PHACTR4: variants seen among roughly 807,000 people sequenced by gnomAD.
PHACTR4 encodes the protein phosphatase and actin regulator 4, also known as protein phosphatase 1, regulatory subunit 124.
PHACTR4 carries 51 observed loss-of-function variants against 72.7 expected under a neutral mutation model. The ratio of observed to expected loss-of-function variants is 0.70; its 90% CI spans 0.56 to 0.89. The LOEUF (loss-of-function observed/expected upper bound fraction) is 0.89. PHACTR4 is among the 40% of genes least tolerant of loss of function. The pLI is 0.00. For missense variants in PHACTR4, 731 were observed against 861.8 expected (o/e 0.85, Z 1.90); for synonymous variants, 255 against 302.5 (o/e 0.84, Z 1.63).
intron 7 of PHACTR4, among the ~76,000 whole-genome samples, chr1:28,475,271 T>G (rs74581288): frequency 6.6e-6 from 1 of 151,904 alleles, no homozygotes. Flanking sequence ...TTTTTACTCT[T>G]GTGATTTTTT....
chr1:28,370,047 A>G (rs1003231190), intron 1 of PHACTR4, among the ~76,000 whole-genome samples: 2 of 151,890 alleles, frequency 1.3e-5, no homozygotes, highest in African/African-American at 4.8e-5. Flanking sequence ...CGCCTGAGGC[A>G]GGGCCCGCGC....
rs994726027 is a variant in PHACTR4, at chr1:28,496,932, G to C, written c.*383G>C. 1 of 231,702 alleles carries C rather than the reference G, an allele frequency of 4.3e-6. No homozygotes were observed. The highest frequency in any genetic ancestry group is 2.3e-5 in the African/African-American group (1 of 43,884). The allele number at this position is 231,702 out of a possible 1,614,324, so 14.4% of individuals were successfully genotyped here. Reference sequence around the variant, plus strand: ...TAGCCTTACCTGCCCTGCCCTGATTGTGAGACCCAAATGTGTAGGCTCTAA... The same window carrying C: ...TAGCCTTACCTGCCCTGCCCTGATTCTGAGACCCAAATGTGTAGGCTCTAA... On this transcript the variant is annotated 3_prime_UTR_variant, in exon 14 of 14. Coordinates refer to ENST00000373839, the MANE Select transcript of PHACTR4 (RefSeq NM_001048183.3).
rs931899889 is a variant in PHACTR4, at chr1:28,456,252, G to A, written c.17-2833G>A. ...CAGAAAACCAACCAGGAATAAGCATGTCACGTGACCAGAGCAGGAACAAGA... is the reference window on the plus strand; with the variant it reads ...CAGAAAACCAACCAGGAATAAGCATATCACGTGACCAGAGCAGGAACAAGA... On this transcript the variant is annotated intron_variant, in intron 2 of 13. Transcript: ENST00000373839. Among the ~76,000 whole-genome samples, 13 of 152,274 alleles carry A rather than the reference G, an allele frequency of 8.5e-5. No individual in the cohort carries two copies. In the South Asian group the frequency reaches 2.5e-3, roughly 29 times the overall value.
chr1:28,459,397 T>TC, intron 3 of PHACTR4, 139 bp downstream of exon 3: 1 of 177,008 alleles, frequency 5.6e-6, no homozygotes, highest in Non-Finnish European at 8.9e-6. Context: ...TCCTTCTTCT[T>TC]TTTTTTTTTT....
chr1:28,419,452 A>C (rs1031526787), intron 2 of PHACTR4, among the ~76,000 whole-genome samples: 15 of 152,030 alleles, frequency 9.9e-5, no homozygotes, highest in African/African-American at 3.4e-4. Flanking sequence ...AGTGTAAAAA[A>C]CATATATAAA....
chr1:28,369,757 C>T lies in PHACTR4; in HGVS notation c.-107C>T. 2.2e-6 allele frequency: 1 copy of T among 446,296 alleles called. No individual in the cohort carries two copies. Among genetic ancestry groups the T allele is most frequent in the Non-Finnish European group, 4.5e-6 (1 of 223,724 alleles). The allele number at this position is 446,296 out of a possible 1,614,324, so 27.6% of individuals were successfully genotyped here. On this transcript the variant is annotated 5_prime_UTR_variant, in exon 1 of 14. Transcript: ENST00000373839. ...AAGGGCTCCGGCTGCTGCCTGGCGG[C>T]CAACGGGCCAGGTAGGATTTCCGGG...
intron 3 of PHACTR4, among the ~76,000 whole-genome samples, chr1:28,459,757 T>C (rs1658668063): frequency 6.6e-6 from 1 of 152,192 alleles, no homozygotes; most frequent in African/African-American, 2.4e-5. Context: ...AACCTAATAT[T>C]GTATACCCTC....
intron 2 of PHACTR4, among the ~76,000 whole-genome samples, chr1:28,458,720 C>T (rs935543586): frequency 6.6e-6 from 1 of 152,136 alleles, no homozygotes; most frequent in Admixed American, 6.6e-5. Flanking sequence ...GAAAATGATT[C>T]ACTCACTAAT....
At chr1:28,394,913 CTTTT>C in intron 1 of PHACTR4, among the ~76,000 whole-genome samples, 2 of 127,094 alleles carry the variant, frequency 1.6e-5, no homozygotes, top group East Asian at 4.5e-4. Context: ...TCCTTTTTTT[CTTTT>C]TTTTTTTTTT....
intron 2 of PHACTR4, among the ~76,000 whole-genome samples, chr1:28,425,055 A>G (rs1655751702): frequency 6.6e-6 from 1 of 151,998 alleles, no homozygotes; most frequent in Non-Finnish European, 1.5e-5. Context: ...GGCCTCCCAA[A>G]GTGCTGGGAT....
intron 2 of PHACTR4, among the ~76,000 whole-genome samples, chr1:28,436,774 AAGTT>A (rs1656662622): frequency 6.6e-6 from 1 of 152,182 alleles, no homozygotes; most frequent in African/African-American, 2.4e-5. Flanking sequence ...GGCTATATGT[AAGTT>A]AGTTACGGAT....
chr1:28,427,613 T>A (rs1655955609), intron 2 of PHACTR4, among the ~76,000 whole-genome samples: 1 of 152,218 alleles, frequency 6.6e-6, no homozygotes, highest in Non-Finnish European at 1.5e-5. Flanking sequence ...ACTGCGGGTC[T>A]TCACTTATAC....
In PHACTR4 at chr1:28,453,809, A is replaced by G. The variant is rs565433631; in HGVS notation, c.17-5276A>G. Reference sequence around the variant, plus strand: ...ACATTGGTGCGTCCTGACAAAAATCATGATGCTGACAGAGCACAAAAGGCT... The same window carrying G: ...ACATTGGTGCGTCCTGACAAAAATCGTGATGCTGACAGAGCACAAAAGGCT... On this transcript the variant is annotated intron_variant, in intron 2 of 13. Transcript: ENST00000373839. 22 of 889,136 alleles carry G rather than the reference A, an allele frequency of 2.5e-5. 1 individual carries two copies. The South Asian group carries it at 2.9e-4, about 12-fold the overall frequency. The allele number at this position is 889,136 out of a possible 1,614,324, so 55.1% of individuals were successfully genotyped here.
chr1:28,384,944 C>G (rs1043384452), intron 1 of PHACTR4, among the ~76,000 whole-genome samples: 4 of 152,078 alleles, frequency 2.6e-5, no homozygotes, highest in African/African-American at 7.2e-5. Flanking sequence ...CCAAATCCCT[C>G]CTGGATTTGT....
At chr1:28,414,648 G>C (rs1349115339) in intron 2 of PHACTR4, among the ~76,000 whole-genome samples, 1 of 152,102 alleles carries the variant, frequency 6.6e-6, no homozygotes, top group Non-Finnish European at 1.5e-5. Flanking sequence ...CAAAAGTTGA[G>C]ATTACAGGCA....
Position 28,383,363 on chromosome 1 carries a change from AT to A in PHACTR4, c.-39+13547del, listed in dbSNP as rs575220118. Among the ~76,000 whole-genome samples, 1,071 of 151,578 alleles carry A rather than the reference AT, an allele frequency of 7.1e-3. 5 individuals are homozygous for A. Among genetic ancestry groups the A allele is most frequent in the South Asian group, 0.02 (95 of 4,780 alleles). ...TTGGTTCCATATGAATTTTAAAATA[AT>A]TTTTTTTTCTAGTTTTATGAAGAAT... On this transcript the variant is annotated intron_variant, in intron 1 of 13. Transcript: ENST00000373839.
intron 13 of PHACTR4, among the ~76,000 whole-genome samples, chr1:28,494,606 C>T (rs775377839): frequency 1.3e-5 from 2 of 152,192 alleles, no homozygotes; most frequent in South Asian, 2.1e-4. Context: ...GAGCCGAGAT[C>T]GCGCAACTGC....
chr1:28,388,398 G>T (rs185462255), intron 1 of PHACTR4, among the ~76,000 whole-genome samples: 60 of 152,272 alleles, frequency 3.9e-4, no homozygotes, highest in African/African-American at 1.3e-3. Context: ...AGGGAATCCA[G>T]AAATAAGTCC....
chr1:28,455,198 C>CTTTCTTTTT (rs1250815977), intron 2 of PHACTR4, among the ~76,000 whole-genome samples: 49 of 85,950 alleles, frequency 5.7e-4, no homozygotes, highest in Non-Finnish European at 7.2e-4. Flanking sequence ...TTCTTTCTTT[C>CTTTCTTTTT]TTTTTTTTTT....
Sources: allele counts gnomAD v4.1 joint callset (sites outside exome capture counted in the v4.1 genomes callset), GRCh38; gene constraint gnomAD v4.1.1; transcripts MANE v1.5; gene names NCBI Gene and HGNC (gene_info 2026-07-23, HGNC 2026-07-21).